ARHGEF28: variants seen among roughly 807,000 people sequenced by gnomAD.
ARHGEF28 encodes the protein 190 kDa guanine nucleotide exchange factor.
Under a neutral mutation model 206.6 loss-of-function variants are expected in ARHGEF28, and 152 were observed. The ratio of observed to expected loss-of-function variants is 0.74; its 90% CI spans 0.64 to 0.84. The LOEUF (loss-of-function observed/expected upper bound fraction) is 0.84. Among genes scored for constraint, ARHGEF28 ranks in the 40% least tolerant of loss-of-function variants. The pLI is 0.00. For synonymous variants in ARHGEF28, 763 were observed against 776.4 expected, an observed-to-expected ratio of 0.98 and a Z score of 0.29; for missense variants, 2,028 against 2,073.2, an observed-to-expected ratio of 0.98 and a Z score of 0.42.
chr5:73,806,629 CTA>C (rs1367686575), intron 9 of ARHGEF28, among the ~76,000 whole-genome samples: 1 of 138,080 alleles, frequency 7.2e-6, no homozygotes, highest in Non-Finnish European at 1.5e-5. Context: ...TAGTATATAT[CTA>C]TATATACAAT....
At chr5:73,939,971 G>A (rs902699731) in intron 35 of ARHGEF28, among the ~76,000 whole-genome samples, 2 of 152,024 alleles carry the variant, frequency 1.3e-5, no homozygotes, top group African/African-American at 4.8e-5. Context: ...AAGCAGGTGG[G>A]CCTCAGAGCT....
At chr5:73,936,479 G>A (rs1764423930) in intron 35 of ARHGEF28, among the ~76,000 whole-genome samples, 1 of 152,140 alleles carries the variant, frequency 6.6e-6, no homozygotes, top group South Asian at 2.1e-4. Context: ...CAAGTATAAA[G>A]CAATTGAAAA....
chr5:73,741,983 T>C (rs971244636), intron 2 of ARHGEF28, among the ~76,000 whole-genome samples: 2 of 152,188 alleles, frequency 1.3e-5, no homozygotes, highest in Non-Finnish European at 2.9e-5. Context: ...CTTTATATCT[T>C]TTGAAGATGT....
At chr5:73,852,278 G>T (rs542821653) in intron 13 of ARHGEF28, among the ~76,000 whole-genome samples, 1 of 152,146 alleles carries the variant, frequency 6.6e-6, no homozygotes, top group Non-Finnish European at 1.5e-5. Context: ...GTTATTTATT[G>T]GTTCTGTATG....
chr5:73,646,031 G>A lies in ARHGEF28; in HGVS notation c.-12+19709G>A, dbSNP rs1744401104. ...ATTTGGCACAAAGGCTGACATCTTA[G>A]GCCCAGTGTCTGAAACTGCACCCCA... is the stretch of plus-strand genomic sequence containing the variant. On this transcript the variant is annotated intron_variant, in intron 1 of 35. Transcript: ENST00000513042. 2.0e-5 allele frequency among the ~76,000 whole-genome samples: 3 copies of A among 152,066 alleles called. No individual in the cohort carries two copies. The South Asian group carries it at 6.2e-4, about 32-fold the overall frequency.
chr5:73,900,653 C>G (rs558659769), intron 30 of ARHGEF28: 1 of 152,484 alleles, frequency 6.6e-6, no homozygotes, highest in African/African-American at 2.4e-5. Flanking sequence ...ACTATGAGAC[C>G]GTGAAGTATT....
intron 35 of ARHGEF28, among the ~76,000 whole-genome samples, chr5:73,927,472 T>A (rs2931427): frequency 0.92 from 139,858 of 152,266 alleles, 64,244 homozygotes; most frequent in East Asian, 0.99. Context: ...TTGTATGCAC[T>A]AAACAATTTA....
At chr5:73,913,822 G>A (rs1039569920) in intron 35 of ARHGEF28, among the ~76,000 whole-genome samples, 3 of 152,168 alleles carry the variant, frequency 2.0e-5, no homozygotes, top group African/African-American at 7.2e-5. Context: ...AGCTAAATGT[G>A]TACTTAACCA....
chr5:73,911,103 T>C (rs1245252233), intron 34 of ARHGEF28, among the ~76,000 whole-genome samples, 172 bp from the exon 35 acceptor site: 1 of 152,204 alleles, frequency 6.6e-6, no homozygotes, highest in East Asian at 1.9e-4. Context: ...TTGAAGTTTT[T>C]GGTACTAGCT....
chr5:73,768,882 G>A (rs997768732), intron 4 of ARHGEF28, among the ~76,000 whole-genome samples: 1 of 151,996 alleles, frequency 6.6e-6, no homozygotes, highest in African/African-American at 2.4e-5. Context: ...CCTGGTAAGA[G>A]GTGATTGAAT....
intron 11 of ARHGEF28, among the ~76,000 whole-genome samples, chr5:73,842,979 T>G (rs758657194): frequency 7.6e-6 from 1 of 131,502 alleles, no homozygotes; most frequent in Non-Finnish European, 1.6e-5. Context: ...GGAGTGAGAC[T>G]CTGTCTTTAA....
At chr5:73,776,483 G>T in intron 5 of ARHGEF28, 33 bp from the exon 6 acceptor site, 1 of 1,582,420 alleles carries the variant, frequency 6.3e-7, no homozygotes, top group Non-Finnish European at 8.6e-7. Context: ...TGTCTTTGAA[G>T]CTCTGTGTGG....
chr5:73,780,651 T>G lies in ARHGEF28; in HGVS notation c.841-25T>G, dbSNP rs1175341981. On this transcript the variant is annotated intron_variant, in intron 6 of 35. Transcript: ENST00000513042. Reference sequence around the variant, plus strand: ...CAAATGGTTTTCTGTGCTTTTTTGTTTTTTTTTTCCCCATTGTTTCCTAGG... The same window carrying G: ...CAAATGGTTTTCTGTGCTTTTTTGTGTTTTTTTTCCCCATTGTTTCCTAGG... 4 of 1,433,028 alleles carry G rather than the reference T, an allele frequency of 2.8e-6. No homozygotes were observed. The East Asian group carries it at 7.9e-5, about 28-fold the overall frequency. 88.8% of individuals were successfully genotyped at this position (1,433,028 alleles called of 1,614,324 possible).
chr5:73,642,082 A>G (rs901341853), intron 1 of ARHGEF28, among the ~76,000 whole-genome samples: 2 of 152,188 alleles, frequency 1.3e-5, no homozygotes, highest in African/African-American at 4.8e-5. Flanking sequence ...TGCAGCCTCT[A>G]TAGAAGGCTT....
chr5:73,823,453 G>C (rs1271240807), intron 9 of ARHGEF28, among the ~76,000 whole-genome samples: 1 of 152,176 alleles, frequency 6.6e-6, no homozygotes, highest in East Asian at 1.9e-4. Context: ...ATAGTAAAGA[G>C]TTGAAAATAA....
chr5:73,722,244 A>G (rs1279049306), intron 2 of ARHGEF28, among the ~76,000 whole-genome samples: 2 of 152,252 alleles, frequency 1.3e-5, no homozygotes, highest in Non-Finnish European at 2.9e-5. Context: ...TTGAACATCC[A>G]TGACATAGCA....
At chr5:73,748,415 A>T (rs1441965540) in intron 2 of ARHGEF28, among the ~76,000 whole-genome samples, 1 of 152,198 alleles carries the variant, frequency 6.6e-6, no homozygotes, top group Non-Finnish European at 1.5e-5. Flanking sequence ...TGTGTGATAC[A>T]TTTTAAACCA....
At chr5:73,691,617 T>C (rs889250564) in intron 2 of ARHGEF28, among the ~76,000 whole-genome samples, 16 of 152,362 alleles carry the variant, frequency 1.1e-4, no homozygotes, top group Middle Eastern at 3.4e-3. Flanking sequence ...TTGAGAACCA[T>C]GGACTTAGTG....
At chr5:73,813,430 C>A in intron 9 of ARHGEF28, 1 of 1,386,146 alleles carries the variant, frequency 7.2e-7, no homozygotes, top group Non-Finnish European at 9.4e-7. Context: ...GGAAGCAAAA[C>A]ATTTATTGCC....
Sources: allele counts gnomAD v4.1 joint callset (sites outside exome capture counted in the v4.1 genomes callset), GRCh38; gene constraint gnomAD v4.1.1; transcripts MANE v1.5; gene names NCBI Gene and HGNC (gene_info 2026-07-23, HGNC 2026-07-21).